The following LRP8 variants were observed in gnomAD, a reference collection of about 807,000 sequenced individuals.
The protein encoded by LRP8 is LDL receptor related protein 8, also known as low-density lipoprotein receptor-related protein 8.
A neutral mutation model predicts 111.6 loss-of-function variants in LRP8; 46 were observed. The observed-to-expected ratio is 0.41, with a 90% CI of 0.33 to 0.53. LRP8 has a LOEUF of 0.53. Among genes scored for constraint, LRP8 ranks in the 20% least tolerant of loss-of-function variants. The pLI, the probability that LRP8 is intolerant of heterozygous loss-of-function variation, is 0.20. For synonymous variants in LRP8, 464 were observed against 511.2 expected, an observed-to-expected ratio of 0.91 and a Z score of 1.24; for missense variants, 959 against 1,297.4, an observed-to-expected ratio of 0.74 and a Z score of 4.01.
chr1:53,300,196 C>T (rs1650541415), intron 2 of LRP8, among the ~76,000 whole-genome samples: 2 of 152,230 alleles, frequency 1.3e-5, no homozygotes, highest in African/African-American at 4.8e-5. Context: ...CCAGTAACCA[C>T]TCAATGGTTA....
rs1289151588 is a variant in LRP8 at position 53,246,084 on chromosome 1, AT to A, written c.*933del. The A allele has an allele frequency of 6.6e-6, 1 of 152,224 alleles. No individual in the cohort carries two copies. Among genetic ancestry groups the A allele is most frequent in the African/African-American group, 2.4e-5 (1 of 41,456 alleles). The allele number at this position is 152,224 out of a possible 1,614,324, so 9.4% of individuals were successfully genotyped here. A position where few individuals can be genotyped will look rare whatever the true frequency, so the allele number is the denominator to read the frequency against. ...TTGAGTTTCTGAGCACTCTGGTACC[AT>A]GGAATGTCTGTACACTGACCTTCGC... On this transcript the variant is annotated 3_prime_UTR_variant, in exon 19 of 19. Transcript: ENST00000306052.
chr1:53,254,709 A>G (rs918516474), intron 16 of LRP8, among the ~76,000 whole-genome samples: 1 of 152,236 alleles, frequency 6.6e-6, no homozygotes, highest in African/African-American at 2.4e-5. Flanking sequence ...ACAAGACAGT[A>G]TGACCTATTA....
At position 53,268,517 on chromosome 1, in the gene LRP8, A is replaced by G. The variant is rs918830931; in HGVS notation, c.1253-1870T>C. ...ACATATTGTACAGTTTGGGTGTTACAGTTTTTGGGTTTATGGGCTACATGT... is the reference window on the plus strand; with the variant it reads ...ACATATTGTACAGTTTGGGTGTTACGGTTTTTGGGTTTATGGGCTACATGT... On this transcript the variant is annotated intron_variant, in intron 8 of 18. Transcript: ENST00000306052. The G allele has an allele frequency of 2.6e-5, 4 of 152,204 alleles. No homozygotes were observed. In the East Asian group the frequency reaches 7.7e-4, roughly 29 times the overall value. The allele number at this position is 152,204 out of a possible 1,614,324, so 9.4% of individuals were successfully genotyped here.
At chr1:53,286,757 A>G (rs1445770874) in intron 3 of LRP8, among the ~76,000 whole-genome samples, 4 of 152,248 alleles carry the variant, frequency 2.6e-5, no homozygotes, top group Non-Finnish European at 5.9e-5. Flanking sequence ...TTCCCGCTCA[A>G]TGCAACTCCC....
Position 53,244,388 on chromosome 1 carries a change from G to A in LRP8, c.*2630C>T, listed in dbSNP as rs1645688856. 1 of 152,248 alleles carries A rather than the reference G, an allele frequency of 6.6e-6. No individual in the cohort carries two copies. The highest frequency in any genetic ancestry group is 6.5e-5 in the Admixed American group (1 of 15,290). The allele number at this position is 152,248 out of a possible 1,614,324, so 9.4% of individuals were successfully genotyped here. ...GTGACTCTGTGATCTGTGATTGGCT[G>A]TAGATAGCTATGCACGGGGGCAAAA... On this transcript the variant is annotated 3_prime_UTR_variant, in exon 19 of 19. Coordinates refer to ENST00000306052, the MANE Select transcript of LRP8 (RefSeq NM_004631.5).
rs1649113590 is a variant in LRP8 at position 53,293,257 on chromosome 1, C to T, written c.245-3568G>A. 6.6e-6 allele frequency among the ~76,000 whole-genome samples: 1 copy of T among 152,126 alleles called. No individual in the cohort carries two copies. On this transcript the variant is annotated intron_variant, in intron 2 of 18. Transcript: ENST00000306052. This position sits in a 1 kb window ranked among gnomAD's most constrained non-coding sequence, Gnocchi z 4.9. ...GCCAGAGCAGCCAAAAACACCACTG[C>T]TGTCCCAAAGGGCAGCTTTGAGGTC...
rs151217475 is a variant in LRP8, at chr1:53,271,034, C to T, written c.1246G>A (p.Ala416Thr). The T allele has an allele frequency of 7.4e-6, 12 of 1,613,920 alleles. No individual in the cohort carries two copies. Among genetic ancestry groups the T allele is most frequent in the Non-Finnish European group, 1.0e-5 (12 of 1,180,034 alleles). ...EMDLLTKNCK[A>T]AAGKSPSLIF... Reference sequence around the variant, plus strand: ...GCCCTTGGGGTGTTCATACCAGCAGCCTTGCAGTTCTTGGTCAGTAGGTCC... The same window carrying T: ...GCCCTTGGGGTGTTCATACCAGCAGTCTTGCAGTTCTTGGTCAGTAGGTCC... Residue 416 changes from alanine to threonine, a missense_variant, in exon 8 of 19, where the codon GCT (alanine) becomes ACT (threonine). Coordinates refer to ENST00000306052, the MANE Select transcript of LRP8 (RefSeq NM_004631.5).
At chr1:53,277,202 T>C in intron 4 of LRP8, 124 bp from the exon 5 acceptor site, 1 of 1,300,442 alleles carries the variant, frequency 7.7e-7, no homozygotes, top group Non-Finnish European at 9.9e-7. Flanking sequence ...CTTTGGGGGC[T>C]GAATGGTGGA....
intron 16 of LRP8, among the ~76,000 whole-genome samples, chr1:53,251,668 C>T (rs1230308886): frequency 1.3e-5 from 2 of 150,944 alleles, no homozygotes; most frequent in Non-Finnish European, 2.9e-5. Context: ...AAGACAGGAA[C>T]AAGGCAGTTA....
intron 2 of LRP8, among the ~76,000 whole-genome samples, chr1:53,321,946 TTC>T (rs1654571473): frequency 6.6e-6 from 1 of 152,196 alleles, no homozygotes; most frequent in South Asian, 2.1e-4. Context: ...CCAAGCAGCT[TTC>T]TGTCACCTCT....
At position 53,293,724 on chromosome 1, in the gene LRP8, T is replaced by C. The variant is rs1265688062; in HGVS notation, c.245-4035A>G. Among the ~76,000 whole-genome samples, 1 of 152,126 alleles carries C rather than the reference T, an allele frequency of 6.6e-6. No homozygotes were observed. The highest frequency in any genetic ancestry group is 1.5e-5 in the Non-Finnish European group (1 of 68,024). On this transcript the variant is annotated intron_variant, in intron 2 of 18. Transcript: ENST00000306052. The surrounding 1 kb of genome is among the most constrained non-coding windows in gnomAD (Gnocchi z 4.9). Reference sequence around the variant, plus strand: ...AACCCAGGCCTGGGACGGCTTTTGCTCTGCTAATGGACAGCACTTTCAGGG... The same window carrying C: ...AACCCAGGCCTGGGACGGCTTTTGCCCTGCTAATGGACAGCACTTTCAGGG...
chr1:53,296,720 C>T (rs977282364), intron 2 of LRP8, among the ~76,000 whole-genome samples: 7 of 152,192 alleles, frequency 4.6e-5, no homozygotes, highest in Admixed American at 2.6e-4. Context: ...GCTGCAGCAA[C>T]GACAGAGCAG....
Position 53,262,764 on chromosome 1 carries a change from A to G in LRP8, c.1656-200T>C, listed in dbSNP as rs1459105753. Among the ~76,000 whole-genome samples the G allele has an allele frequency of 6.6e-6, 1 of 152,212 alleles. No individual in the cohort carries two copies. The highest frequency in any genetic ancestry group is 1.5e-5 in the Non-Finnish European group (1 of 68,022). On this transcript the variant is annotated intron_variant, in intron 10 of 18. Transcript: ENST00000306052. The surrounding 1 kb of genome is among the most constrained non-coding windows in gnomAD (Gnocchi z 4.8). ...TTCACCTCATTTGAGAACTTGAGGA[A>G]AACTATTCTCCGAGATTGCACCCAG...
chr1:53,276,552 C>T, intron 5 of LRP8, 140 bp downstream of exon 5: 1 of 611,638 alleles, frequency 1.6e-6, no homozygotes, highest in Non-Finnish European at 2.4e-6. Flanking sequence ...CTCACTTCTC[C>T]CAGCCTCGGT....
chr1:53,315,669 C>G (rs1203473738), intron 2 of LRP8, among the ~76,000 whole-genome samples: 2 of 152,350 alleles, frequency 1.3e-5, no homozygotes, highest in East Asian at 1.9e-4. Flanking sequence ...CACCTCCCAG[C>G]TGGCTTCGCA....
In LRP8 at chr1:53,282,618, G is replaced by C. The variant is rs61446454; in HGVS notation, c.368-1903C>G. On this transcript the variant is annotated intron_variant, in intron 3 of 18. Transcript: ENST00000306052. ...CTGGGGTCCTCTCATCAAAGGGTGG[G>C]GGGTGAGGGAGCTACTCAAAGTGCA... Among the ~76,000 whole-genome samples the C allele has an allele frequency of 6.1e-3, 927 of 152,192 alleles. 4 individuals are homozygous for C. Among genetic ancestry groups the C allele is most frequent in the African/African-American group, 0.021 (889 of 41,502 alleles).
At position 53,255,170 on chromosome 1, in the gene LRP8, C is replaced by G. The variant is rs772282081; in HGVS notation, c.2450G>C (p.Ser817Thr). 4.3e-6 allele frequency: 7 copies of G among 1,613,660 alleles called. No individual in the cohort carries two copies. In the South Asian group the frequency reaches 7.7e-5, roughly 18 times the overall value. The part of the protein sequence containing the change: ...NHSQHYANED[S>T]KMGSTVTAAV... ...GGCAGTGACTGTTGAGCCCATCTTA[C>G]TGTCTTCATTTGCATCTGCAAAACA... is the stretch of plus-strand genomic sequence containing the variant. The change falls in exon 16 of 19, where the codon AGT (serine) becomes ACT (threonine). Residue 817 changes from serine to threonine, a missense_variant. Coordinates refer to ENST00000306052, the MANE Select transcript of LRP8 (RefSeq NM_004631.5).
chr1:53,260,898 T>G (rs536360688), intron 12 of LRP8, among the ~76,000 whole-genome samples: 3 of 152,328 alleles, frequency 2.0e-5, no homozygotes, highest in Non-Finnish European at 4.4e-5. Context: ...AACCCAAGGT[T>G]AAATCTCTAT....
intron 2 of LRP8, among the ~76,000 whole-genome samples, chr1:53,316,214 G>C (rs1056112992): frequency 1.3e-5 from 2 of 152,208 alleles, no homozygotes; most frequent in East Asian, 1.9e-4. Context: ...CAGGAAGTGG[G>C]AGAGCTGCAG....
Sources: gnomAD v4.1 joint callset for allele counts (sites outside exome capture counted in the v4.1 genomes callset) on GRCh38, gnomAD v4.1.1 for gene constraint, Gnocchi (gnomAD v3.1) non-coding constraint, MANE v1.5 for transcripts, NCBI Gene and HGNC (gene_info 2026-07-23, HGNC 2026-07-21) for gene names.